MEGF10: variants seen among roughly 807,000 people sequenced by gnomAD.
MEGF10 encodes the protein multiple EGF like domains 10.
A neutral mutation model predicts 147.5 loss-of-function variants in MEGF10; 86 were observed. The observed-to-expected ratio is 0.58, with a 90% CI of 0.49 to 0.70. The LOEUF is 0.70. MEGF10 is among the 30% of genes least tolerant of loss of function. The pLI, the probability that MEGF10 is intolerant of heterozygous loss-of-function variation, is 0.00. For synonymous variants in MEGF10, 478 were observed against 525.5 expected, an observed-to-expected ratio of 0.91 and a Z score of 1.24; for missense variants, 1,329 against 1,487.3, an observed-to-expected ratio of 0.89 and a Z score of 1.75.
In MEGF10 at chr5:127,457,331, G is replaced by A. The variant is rs372938701; in HGVS notation, c.*13G>A. On this transcript the variant is annotated 3_prime_UTR_variant, in exon 25 of 25. Transcript: ENST00000503335. The stretch of plus-strand genomic sequence containing the variant: ...CAGCAGTGAATGACACCAAAGGACC[G>A]CTTGGTAGCCACTGGAACCCTTTCC... The A allele has an allele frequency of 1.2e-4, 187 of 1,608,734 alleles. No homozygotes were observed. Among genetic ancestry groups the A allele is most frequent in the Non-Finnish European group, 1.4e-4 (160 of 1,178,432 alleles).
At chr5:127,367,131 A>G (rs571542272) in intron 4 of MEGF10, among the ~76,000 whole-genome samples, 1 of 152,332 alleles carries the variant, frequency 6.6e-6, no homozygotes, top group South Asian at 2.1e-4. Flanking sequence ...AATTAAAACC[A>G]AAGTTTAATC....
intron 23 of MEGF10, 56 bp from the exon 24 acceptor site, chr5:127,455,345 G>T: frequency 7.1e-7 from 1 of 1,412,640 alleles, no homozygotes; most frequent in Non-Finnish European, 9.9e-7. Context: ...ATATCACCAA[G>T]AAATGATGTT....
chr5:127,448,790 CTTTTTTTTT>C (rs199921206), intron 21 of MEGF10, among the ~76,000 whole-genome samples: 11 of 131,200 alleles, frequency 8.4e-5, no homozygotes, highest in Non-Finnish European at 1.3e-4. Flanking sequence ...ACCAAGAGTT[CTTTTTTTTT>C]TTTTTTTTCC....
At chr5:127,381,997 C>T (rs960962483) in intron 5 of MEGF10, among the ~76,000 whole-genome samples, 5 of 152,108 alleles carry the variant, frequency 3.3e-5, no homozygotes, top group South Asian at 4.1e-4. Context: ...TATAATTCGG[C>T]GTCTGTCATG....
chr5:127,422,387 G>A (rs1365167552), intron 12 of MEGF10, among the ~76,000 whole-genome samples: 1 of 151,942 alleles, frequency 6.6e-6, no homozygotes, highest in Admixed American at 6.6e-5. Flanking sequence ...CTGGCAAGGT[G>A]GCAGGTGCCT....
chr5:127,275,283 G>A, the MEGF10 span, among the ~76,000 whole-genome samples: 3 of 152,262 alleles, frequency 2.0e-5, no homozygotes, highest in Admixed American at 1.3e-4. Context: ...TTCAAGTAGA[G>A]GATTTACTAC....
chr5:127,402,643 C>T lies in MEGF10; in HGVS notation c.878C>T (p.Thr293Ile), dbSNP rs768259645. Residue 293 changes from threonine (T) to isoleucine (I), a missense_variant, in exon 8 of 25, where the codon ACA becomes ATA. By Grantham distance (89) the Thr-to-Ile change is moderately conservative. Transcript: ENST00000503335. Reference protein sequence around the residue: ...CHNGGTCDAATGQCHCSPGYT... With the variant: ...CHNGGTCDAAIGQCHCSPGYT... ...AATGGAGGGACGTGTGATGCTGCCACAGGCCAATGTCATTGCAGTCCAGGA... is the reference window on the plus strand; with the variant it reads ...AATGGAGGGACGTGTGATGCTGCCATAGGCCAATGTCATTGCAGTCCAGGA... 1.1e-5 allele frequency: 18 copies of T among 1,614,104 alleles called. No homozygotes were observed. Among genetic ancestry groups the T allele is most frequent in the Non-Finnish European group, 1.4e-5 (17 of 1,180,000 alleles).
At chr5:127,378,127 C>T (rs562430099) in intron 5 of MEGF10, among the ~76,000 whole-genome samples, 2 of 152,340 alleles carry the variant, frequency 1.3e-5, no homozygotes, top group East Asian at 1.9e-4. Flanking sequence ...CACCCTCTGT[C>T]ACCCACCCTG....
chr5:127,371,338 C>T lies in MEGF10; in HGVS notation c.412+1336C>T, dbSNP rs992888726. The stretch of plus-strand genomic sequence containing the variant: ...TGTTGGAAATCAGGAGGAGAGTGGG[C>T]ATTTTGTTCACACGCCATTGAGGCA... On this transcript the variant is annotated intron_variant, in intron 5 of 24. Transcript: ENST00000503335. Among the ~76,000 whole-genome samples the T allele has an allele frequency of 4.0e-5, 6 of 151,578 alleles. No homozygotes were observed. In the East Asian group the frequency reaches 1.2e-3, roughly 29 times the overall value.
In MEGF10 at chr5:127,458,517, C is replaced by T. The variant is rs1235711177; in HGVS notation, c.*1199C>T. The T allele has an allele frequency of 2.6e-5, 4 of 151,928 alleles. No individual in the cohort carries two copies. Among genetic ancestry groups the T allele is most frequent in the Admixed American group, 6.6e-5 (1 of 15,250 alleles). 9.4% of individuals were successfully genotyped at this position (151,928 alleles called of 1,614,324 possible). On this transcript the variant is annotated 3_prime_UTR_variant, in exon 25 of 25. Coordinates refer to ENST00000503335, the MANE Select transcript of MEGF10 (RefSeq NM_001256545.2). Reference sequence around the variant, plus strand: ...TGTTAATGAAAAAATATTATATGTTCGTTATTCCTTGTATTATTGCCACTT... The same window carrying T: ...TGTTAATGAAAAAATATTATATGTTTGTTATTCCTTGTATTATTGCCACTT...
intron 4 of MEGF10, among the ~76,000 whole-genome samples, chr5:127,359,533 C>A (rs1762401637): frequency 6.6e-6 from 1 of 152,056 alleles, no homozygotes; most frequent in Non-Finnish European, 1.5e-5. Flanking sequence ...GTAATTTCTC[C>A]TATCCACCCC....
At chr5:127,344,118 T>C (rs1761784911) in intron 4 of MEGF10, among the ~76,000 whole-genome samples, 1 of 152,172 alleles carries the variant, frequency 6.6e-6, no homozygotes, top group Non-Finnish European at 1.5e-5. Flanking sequence ...ACACAGTAGA[T>C]TCAATTCAAT....
At chr5:127,421,190 G>T (rs959115643) in intron 12 of MEGF10, among the ~76,000 whole-genome samples, 1 of 152,190 alleles carries the variant, frequency 6.6e-6, no homozygotes, top group African/African-American at 2.4e-5. Context: ...ACAAAGCAAA[G>T]CCCCTGGCAC....
chr5:127,396,416 C>G (rs1763913900), intron 5 of MEGF10, 116 bp from the exon 6 acceptor site: 1 of 1,273,726 alleles, frequency 7.9e-7, no homozygotes, highest in Non-Finnish European at 1.1e-6. Context: ...GGCCAGGGCC[C>G]TGATGTCCAG....
rs376004535 is a variant in MEGF10, at chr5:127,364,558, G to A, written c.320-5352G>A. On this transcript the variant is annotated intron_variant, in intron 4 of 24. Coordinates refer to ENST00000503335, the MANE Select transcript of MEGF10 (RefSeq NM_001256545.2). ...GTACATATTAAACTGAAGAAAAAGA[G>A]AATTCCCTTTCCTTTTTATAAGCAA... 2.0e-5 allele frequency among the ~76,000 whole-genome samples: 3 copies of A among 152,280 alleles called. No individual in the cohort carries two copies. The East Asian group carries it at 5.8e-4, about 29-fold the overall frequency.
At chr5:127,398,899 C>A in intron 7 of MEGF10, 103 bp downstream of exon 7, 1 of 1,500,868 alleles carries the variant, frequency 6.7e-7, no homozygotes, top group Non-Finnish European at 9.1e-7. Flanking sequence ...GGAAAGTTAC[C>A]ATGATGGTTG....
intron 10 of MEGF10, among the ~76,000 whole-genome samples, chr5:127,418,865 A>T (rs905406870): frequency 7.2e-5 from 11 of 152,224 alleles, no homozygotes; most frequent in Non-Finnish European, 1.3e-4. Flanking sequence ...TTCTGCTATG[A>T]AGGCAAAGCT....
chr5:127,420,413 G>A (rs772168400), intron 12 of MEGF10, among the ~76,000 whole-genome samples: 7 of 152,108 alleles, frequency 4.6e-5, no homozygotes, highest in Non-Finnish European at 1.0e-4. Context: ...TAGGCTCTGC[G>A]AGAATTTCTT....
At chr5:127,288,376 C>G (rs981983610), upstream of MEGF10, among the ~76,000 whole-genome samples, 1 of 151,986 alleles carries the variant, frequency 6.6e-6, no homozygotes, top group African/African-American at 2.4e-5. Context: ...ATAAAGAACT[C>G]CTACAACTCA....
Sources: gnomAD v4.1 joint callset for allele counts (sites outside exome capture counted in the v4.1 genomes callset) on GRCh38, gnomAD v4.1.1 for gene constraint, MANE v1.5 for transcripts, NCBI Gene and HGNC (gene_info 2026-07-23, HGNC 2026-07-21) for gene names.